Variants in SYN2 observed in about 807,000 individuals in gnomAD.
The protein encoded by SYN2 is synapsin II.
In SYN2, 19 loss-of-function variants were observed where a neutral mutation model predicts 50.9. That is an observed-to-expected ratio of 0.37 (90% CI 0.26 to 0.55). SYN2 has a LOEUF of 0.55. SYN2 is among the 20% of genes least tolerant of loss of function. SYN2 has a pLI of 0.81. For missense variants in SYN2, 587 were observed against 576.4 expected (o/e 1.02, Z -0.19); for synonymous variants, 255 against 224.9 (o/e 1.13, Z -1.20).
chr3:12,161,670 C>T (rs926737785), intron 6 of SYN2, 62 bp downstream of exon 6: 32 of 1,575,908 alleles, frequency 2.0e-5, no homozygotes, highest in Non-Finnish European at 2.7e-5. Context: ...TTCAGAGCGC[C>T]CATTTGTGAA....
intron 1 of SYN2, among the ~76,000 whole-genome samples, chr3:12,025,863 A>G (rs757699066): frequency 3.6e-4 from 55 of 152,116 alleles, no homozygotes; most frequent in Non-Finnish European, 7.8e-4. Context: ...TATTATACTG[A>G]CACATCCTCT....
chr3:12,128,608 A>G (rs1391321837), intron 1 of SYN2, among the ~76,000 whole-genome samples: 3 of 152,198 alleles, frequency 2.0e-5, no homozygotes, highest in African/African-American at 7.2e-5. Context: ...ATGTATAAAT[A>G]CTTCAGTAAT....
chr3:12,051,193 T>C (rs1220963559), intron 1 of SYN2, among the ~76,000 whole-genome samples: 1 of 152,178 alleles, frequency 6.6e-6, no homozygotes, highest in African/African-American at 2.4e-5. Context: ...GGACCTATTA[T>C]GAGGATAAAA....
chr3:12,091,924 T>C (rs965872128), intron 1 of SYN2, among the ~76,000 whole-genome samples: 1 of 152,212 alleles, frequency 6.6e-6, no homozygotes, highest in Admixed American at 6.5e-5. Flanking sequence ...TAATAACTTC[T>C]GGATTTGAGT....
chr3:12,158,518 T>C, intron 5 of SYN2: 1 of 780,870 alleles, frequency 1.3e-6, no homozygotes, highest in Non-Finnish European at 2.0e-6. Flanking sequence ...TATGAATCAG[T>C]CAGGTTCTGG....
intron 1 of SYN2, among the ~76,000 whole-genome samples, chr3:12,112,426 C>G (rs1696341208): frequency 6.6e-6 from 1 of 152,098 alleles, no homozygotes. Flanking sequence ...CTATCCTGTA[C>G]TCAAACCCAG....
At chr3:12,120,991 G>A (rs937282374) in intron 1 of SYN2, among the ~76,000 whole-genome samples, 9 of 152,004 alleles carry the variant, frequency 5.9e-5, no homozygotes, top group African/African-American at 1.9e-4. Context: ...TAGTCTCATC[G>A]GCCATCATTC....
chr3:12,010,508 A>G (rs1434763322), intron 1 of SYN2, among the ~76,000 whole-genome samples: 1 of 152,240 alleles, frequency 6.6e-6, no homozygotes, highest in East Asian at 1.9e-4. Context: ...GGGAACACAG[A>G]GATAAGTTAT....
intron 9 of SYN2, among the ~76,000 whole-genome samples, chr3:12,169,485 A>G (rs988195191): frequency 4.6e-5 from 7 of 151,942 alleles, no homozygotes; most frequent in East Asian, 1.9e-4. Flanking sequence ...CTTGCTTTCT[A>G]CCTCTTCTGG....
intron 10 of SYN2, among the ~76,000 whole-genome samples, chr3:12,177,510 G>T (rs890405212): frequency 6.6e-6 from 1 of 152,168 alleles, no homozygotes; most frequent in Non-Finnish European, 1.5e-5. Context: ...CTAAAGGGCT[G>T]TCCAGTTAGG....
At chr3:12,106,385 A>G (rs1281299349) in intron 1 of SYN2, among the ~76,000 whole-genome samples, 1 of 152,160 alleles carries the variant, frequency 6.6e-6, no homozygotes, top group African/African-American at 2.4e-5. Context: ...CTTATTCATG[A>G]GAATAAAATC....
chr3:12,109,930 C>T (rs963902201), intron 1 of SYN2, among the ~76,000 whole-genome samples: 5 of 152,158 alleles, frequency 3.3e-5, no homozygotes, highest in South Asian at 2.1e-4. Flanking sequence ...TGGCTCATGC[C>T]TGTAATCCCA....
chr3:12,135,390 G>C (rs1012416658), intron 1 of SYN2, among the ~76,000 whole-genome samples: 1 of 152,214 alleles, frequency 6.6e-6, no homozygotes, highest in Non-Finnish European at 1.5e-5. Flanking sequence ...GTCAGAGTCA[G>C]TAAGAGCTAG....
rs573399238 is a variant in SYN2, at chr3:12,158,969, C to T, written c.775-2577C>T. 3.8e-6 allele frequency: 5 copies of T among 1,331,166 alleles called. No individual in the cohort carries two copies. In the African/African-American group the frequency reaches 7.6e-5, roughly 20 times the overall value. The allele number at this position is 1,331,166 out of a possible 1,614,324, so 82.5% of individuals were successfully genotyped here. On this transcript the variant is annotated intron_variant, in intron 5 of 12. Coordinates refer to ENST00000621198, the MANE Select transcript of SYN2 (RefSeq NM_133625.6). ...GGTGGCCCTAAGGGCCAATCCCGCC[C>T]CGACGGGCTCCGCCTTCCTTTGGCT...
chr3:12,066,365 T>G (rs307592), intron 1 of SYN2, among the ~76,000 whole-genome samples: 111,328 of 152,020 alleles, frequency 0.73, 41,027 homozygotes, highest in Admixed American at 0.8. Context: ...AGCAGCTGTT[T>G]CAATGTCAGA....
At chr3:12,168,103 C>T (rs17035984) in intron 8 of SYN2, among the ~76,000 whole-genome samples, 5,156 of 152,108 alleles carry the variant, frequency 0.034, 273 homozygotes, top group African/African-American at 0.11. Context: ...CATAGAAGCT[C>T]CAAGAAAGGA....
In SYN2 at chr3:12,167,257, G is replaced by A; in HGVS notation, c.1004G>A (p.Trp335Ter). ...AYMRTSISGN[W>*]KTNTGSAMLE... ...AGGAGGACATCGATCTCAGGGAACT[G>A]GAAGACGAACACTGGCTCTGCGATG... is the stretch of plus-strand genomic sequence containing the variant. Residue 335 changes from tryptophan to a stop codon, truncating the protein, a stop_gained, in exon 8 of 13, where the codon TGG (tryptophan) becomes TAG (stop). Coordinates refer to ENST00000621198, the MANE Select transcript of SYN2 (RefSeq NM_133625.6). LOFTEE classifies it high-confidence loss of function. 6.2e-7 allele frequency: 1 copy of A among 1,613,094 alleles called. No individual in the cohort carries two copies. Among genetic ancestry groups the A allele is most frequent in the Non-Finnish European group, 8.5e-7 (1 of 1,179,650 alleles).
In SYN2 at chr3:12,187,568, C is replaced by G. The variant is rs1474062668; in HGVS notation, c.1569C>G (p.Pro523=). The change falls in exon 12 of 13, where the codon CCC becomes CCG. Residue 523 remains proline (P), a synonymous_variant. Transcript: ENST00000621198. Reference sequence around the variant, plus strand: ...GCTCCCTGGCAGAGGCCCAGCCACCCCTGGCTGCTCCACCACAGAAGCCCC... The same window carrying G: ...GCTCCCTGGCAGAGGCCCAGCCACCGCTGGCTGCTCCACCACAGAAGCCCC... ...SSSSLAEAQP[P]LAAPPQKPQP... 3.2e-6 allele frequency: 5 copies of G among 1,551,890 alleles called. No individual in the cohort carries two copies. Among genetic ancestry groups the G allele is most frequent in the Non-Finnish European group, 2.6e-6 (3 of 1,147,000 alleles).
intron 1 of SYN2, chr3:12,070,334 G>A (rs939410314): frequency 2.8e-5 from 14 of 503,832 alleles, no homozygotes; most frequent in Admixed American, 8.8e-5. Flanking sequence ...ATCCTTAGGC[G>A]CCCCTGGCAC....
Sources: allele counts gnomAD v4.1 joint callset (sites outside exome capture counted in the v4.1 genomes callset), GRCh38; gene constraint gnomAD v4.1.1; transcripts MANE v1.5; gene names NCBI Gene and HGNC (gene_info 2026-07-23, HGNC 2026-07-21).